FAM185A: variants seen among roughly 807,000 people sequenced by gnomAD.
The protein encoded by FAM185A is protein FAM185A.
FAM185A carries 21 observed loss-of-function variants against 45.7 expected under a neutral mutation model. The observed-to-expected ratio is 0.46, with a 90% CI of 0.33 to 0.66. The LOEUF (loss-of-function observed/expected upper bound fraction) is 0.66, where lower values mean the gene tolerates loss of function less well. Among genes scored for constraint, FAM185A ranks in the 30% least tolerant of loss-of-function variants. FAM185A has a pLI of 0.03. For missense variants in FAM185A, 305 were observed against 485.4 expected, an observed-to-expected ratio of 0.63 and a Z score of 3.49; for synonymous variants, 117 against 194.0, an observed-to-expected ratio of 0.60 and a Z score of 3.30.
chr7:102,807,158 G>A (rs1330300299), intron 7 of FAM185A, among the ~76,000 whole-genome samples: 2 of 151,660 alleles, frequency 1.3e-5, no homozygotes, highest in Non-Finnish European at 2.9e-5. Flanking sequence ...CCATAGTGCC[G>A]CAAAGCTGAT....
chr7:102,778,138 G>A (rs535143531), intron 6 of FAM185A, among the ~76,000 whole-genome samples: 11 of 152,350 alleles, frequency 7.2e-5, no homozygotes, highest in African/African-American at 2.6e-4. Context: ...TTTCCTCACA[G>A]AGACTGATTG....
intron 6 of FAM185A, chr7:102,779,950 A>G (rs894081658): frequency 6.8e-6 from 1 of 146,620 alleles, no homozygotes; most frequent in South Asian, 2.1e-4. Flanking sequence ...AGCTCAAGCA[A>G]TCCACCTACC....
At chr7:102,772,671 G>GAAGAAAAAAAAAAGAAAAGA (rs1794825549) in intron 5 of FAM185A, among the ~76,000 whole-genome samples, 2 of 148,176 alleles carry the variant, frequency 1.3e-5, no homozygotes, top group Admixed American at 1.3e-4. Flanking sequence ...AAACTTCTCT[G>GAAGAAAAAAAAAAGAAAAGA]AAGAAAAAAA....
chr7:102,778,013 A>G (rs920203467), intron 6 of FAM185A, among the ~76,000 whole-genome samples: 1 of 152,224 alleles, frequency 6.6e-6, no homozygotes, highest in African/African-American at 2.4e-5. Context: ...GGTTGGCCAT[A>G]GGGGCTGAAG....
intron 3 of FAM185A, among the ~76,000 whole-genome samples, chr7:102,759,986 A>G (rs1396582213): frequency 6.6e-6 from 1 of 152,118 alleles, no homozygotes; most frequent in African/African-American, 2.4e-5. Context: ...GGTTGTGAGA[A>G]TCAAATGAGC....
chr7:102,750,782 G>A (rs141363555), intron 1 of FAM185A, among the ~76,000 whole-genome samples: 3,938 of 152,196 alleles, frequency 0.026, 171 homozygotes, highest in African/African-American at 0.09. Context: ...TTTAAAATTT[G>A]TATACAGAGA....
the FAM185A span, among the ~76,000 whole-genome samples, chr7:102,831,834 A>ACT: frequency 6.6e-6 from 1 of 151,570 alleles, no homozygotes; most frequent in Admixed American, 6.6e-5. Context: ...ATGGGCCCTC[A>ACT]CTCTTCATCT....
At chr7:102,820,774 C>T in the FAM185A span, among the ~76,000 whole-genome samples, 5 of 152,172 alleles carry the variant, frequency 3.3e-5, no homozygotes, top group Admixed American at 3.3e-4. Flanking sequence ...TGATAACTAA[C>T]TCACTTCCAT....
At chr7:102,837,553 C>A in the FAM185A span, among the ~76,000 whole-genome samples, 1 of 152,166 alleles carries the variant, frequency 6.6e-6, no homozygotes, top group African/African-American at 2.4e-5. Context: ...CTTTCAAATT[C>A]TTATAAGCTT....
chr7:102,827,752 C>A, the FAM185A span, among the ~76,000 whole-genome samples: 2 of 151,984 alleles, frequency 1.3e-5, no homozygotes, highest in Admixed American at 6.6e-5. Flanking sequence ...GTTCAATTCC[C>A]ACCTATGAGT....
At chr7:102,835,415 G>A in the FAM185A span, among the ~76,000 whole-genome samples, 1 of 152,104 alleles carries the variant, frequency 6.6e-6, no homozygotes, top group Non-Finnish European at 1.5e-5. Flanking sequence ...CAATAAAAAT[G>A]CAATAAGCCC....
At chr7:102,796,451 C>T (rs1431328568) in intron 7 of FAM185A, among the ~76,000 whole-genome samples, 4 of 152,152 alleles carry the variant, frequency 2.6e-5, no homozygotes, top group Non-Finnish European at 4.4e-5. Flanking sequence ...AGTCCCCAGG[C>T]GGGAATGGGG....
At chr7:102,789,052 C>T (rs892197664) in intron 7 of FAM185A, among the ~76,000 whole-genome samples, 3 of 152,164 alleles carry the variant, frequency 2.0e-5, no homozygotes, top group Admixed American at 2.0e-4. Context: ...TTTATAAACA[C>T]TGTACAGTTA....
At chr7:102,846,719 T>C in the FAM185A span, among the ~76,000 whole-genome samples, 1 of 152,192 alleles carries the variant, frequency 6.6e-6, no homozygotes, top group Non-Finnish European at 1.5e-5. Flanking sequence ...ACTTGCTAAT[T>C]GCAAATAATA....
intron 6 of FAM185A, 143 bp downstream of exon 6, chr7:102,777,491 G>T (rs1795138353): frequency 3.8e-6 from 2 of 530,608 alleles, no homozygotes; most frequent in Non-Finnish European, 6.2e-6. Context: ...TAAAGGCACT[G>T]GTCTGCTAGC....
At chr7:102,813,254 T>G, downstream of FAM185A, 2 of 1,203,774 alleles carry the variant, frequency 1.7e-6, no homozygotes, top group Non-Finnish European at 2.3e-6. Flanking sequence ...ACATTGTTAT[T>G]GAGATTCAGC....
chr7:102,794,822 G>A (rs1022692392), intron 7 of FAM185A, among the ~76,000 whole-genome samples: 9 of 152,140 alleles, frequency 5.9e-5, no homozygotes, highest in Non-Finnish European at 1.3e-4. Context: ...GTAATTCACC[G>A]ACAAAGGGAA....
the FAM185A span, among the ~76,000 whole-genome samples, chr7:102,828,191 A>G: frequency 3.3e-5 from 5 of 152,114 alleles, no homozygotes; most frequent in East Asian, 1.9e-4. Context: ...CCATTTTCAC[A>G]ATATTGATTC....
chr7:102,805,122 A>C (rs1797032036), intron 7 of FAM185A, among the ~76,000 whole-genome samples: 1 of 152,212 alleles, frequency 6.6e-6, no homozygotes, highest in African/African-American at 2.4e-5. Context: ...AACAGTGTAG[A>C]GATTCCTTAA....
Sources: allele counts gnomAD v4.1 joint callset (sites outside exome capture counted in the v4.1 genomes callset), GRCh38; gene constraint gnomAD v4.1.1; transcripts MANE v1.5; gene names NCBI Gene and HGNC (gene_info 2026-07-23, HGNC 2026-07-21).